The following RCAN2 variants were observed in gnomAD, a reference collection of about 807,000 sequenced individuals.
The protein encoded by RCAN2 is calcipressin-2.
Under a neutral mutation model 23.6 loss-of-function variants are expected in RCAN2, and 9 were observed. That is an observed-to-expected ratio of 0.38 (90% CI 0.23 to 0.67). The LOEUF (loss-of-function observed/expected upper bound fraction) is 0.67. Among genes scored for constraint, RCAN2 ranks in the 30% least tolerant of loss-of-function variants. The probability of loss-of-function intolerance (pLI) is 0.51; values close to 1 mark genes in which losing one functional copy is unlikely to be tolerated. For synonymous variants in RCAN2, 109 were observed against 115.7 expected, an observed-to-expected ratio of 0.94 and a Z score of 0.37; for missense variants, 273 against 302.3, an observed-to-expected ratio of 0.90 and a Z score of 0.72.
chr6:46,244,068 T>C (rs1766422657), intron 4 of RCAN2, among the ~76,000 whole-genome samples: 1 of 152,060 alleles, frequency 6.6e-6, no homozygotes, highest in African/African-American at 2.4e-5. Flanking sequence ...CGTTTCCAAA[T>C]CCATAAAATG....
At chr6:46,340,804 T>C (rs1167669322) in intron 2 of RCAN2, among the ~76,000 whole-genome samples, 3 of 152,336 alleles carry the variant, frequency 2.0e-5, no homozygotes, top group Admixed American at 6.5e-5. Context: ...AAATGCAAAA[T>C]CTAATTTTAT....
intron 2 of RCAN2, among the ~76,000 whole-genome samples, chr6:46,342,375 C>T (rs1764349313): frequency 6.6e-6 from 1 of 151,674 alleles, no homozygotes; most frequent in Non-Finnish European, 1.5e-5. Context: ...GTGGTGGAAA[C>T]ATAAATCACC....
chr6:46,410,870 A>G (rs1208884515), intron 2 of RCAN2, among the ~76,000 whole-genome samples: 1 of 152,210 alleles, frequency 6.6e-6, no homozygotes, highest in Non-Finnish European at 1.5e-5. Context: ...ATCCATGATT[A>G]TGGTTATCCT....
chr6:46,297,142 G>A (rs1233767813), intron 2 of RCAN2, among the ~76,000 whole-genome samples: 1 of 152,056 alleles, frequency 6.6e-6, no homozygotes, highest in Non-Finnish European at 1.5e-5. Flanking sequence ...TCCTGAACTT[G>A]CACAGCTCTG....
At chr6:46,441,699 A>G (rs1257086954) in intron 2 of RCAN2, among the ~76,000 whole-genome samples, 1 of 152,166 alleles carries the variant, frequency 6.6e-6, no homozygotes, top group Non-Finnish European at 1.5e-5. Context: ...TAGTCAGGCT[A>G]TATGATAGAA....
chr6:46,456,206 C>T (rs1214728588), intron 2 of RCAN2, among the ~76,000 whole-genome samples: 1 of 152,152 alleles, frequency 6.6e-6, no homozygotes, highest in Non-Finnish European at 1.5e-5. Context: ...CAAATTCTTA[C>T]AACACACACA....
chr6:46,472,336 A>C (rs182550694), intron 1 of RCAN2, among the ~76,000 whole-genome samples: 2 of 152,338 alleles, frequency 1.3e-5, no homozygotes, highest in Non-Finnish European at 2.9e-5. Context: ...ACACATATAA[A>C]TTCTAAAGAT....
chr6:46,273,389 G>A (rs1296030733), intron 2 of RCAN2, among the ~76,000 whole-genome samples: 1 of 152,138 alleles, frequency 6.6e-6, no homozygotes, highest in Non-Finnish European at 1.5e-5. Context: ...TAGCACTTCA[G>A]GGTTTAAAAG....
chr6:46,325,632 G>T (rs530473327), intron 2 of RCAN2: 504 of 1,431,620 alleles, frequency 3.5e-4, no homozygotes, highest in Non-Finnish European at 4.2e-4. Flanking sequence ...CGCTCCCACT[G>T]CACGCAGCCC....
At chr6:46,298,677 A>G (rs1762800315) in intron 2 of RCAN2, among the ~76,000 whole-genome samples, 3 of 152,230 alleles carry the variant, frequency 2.0e-5, no homozygotes, top group Middle Eastern at 6.8e-3. Flanking sequence ...TAATTAGTTC[A>G]GCCCCTGTGG....
At chr6:46,252,357 T>C (rs1018562057) in intron 2 of RCAN2, among the ~76,000 whole-genome samples, 2 of 152,248 alleles carry the variant, frequency 1.3e-5, no homozygotes, top group African/African-American at 4.8e-5. Flanking sequence ...TTTTCTCCAG[T>C]TGTGTTGCCC....
chr6:46,291,040 T>C (rs1043520263), intron 2 of RCAN2, among the ~76,000 whole-genome samples: 1 of 152,058 alleles, frequency 6.6e-6, no homozygotes, highest in African/African-American at 2.4e-5. Flanking sequence ...CTTCACCTAA[T>C]AGGTAAGCCA....
At chr6:46,324,085 G>A (rs1049549476) in intron 2 of RCAN2, among the ~76,000 whole-genome samples, 1 of 152,144 alleles carries the variant, frequency 6.6e-6, no homozygotes, top group African/African-American at 2.4e-5. Context: ...GGCTTTAAAT[G>A]ACTGCTCTCC....
chr6:46,235,617 T>C (rs1349527071), intron 4 of RCAN2, among the ~76,000 whole-genome samples: 1 of 152,228 alleles, frequency 6.6e-6, no homozygotes, highest in African/African-American at 2.4e-5. Context: ...CTATCACGCT[T>C]CTTAGAATTG....
intron 2 of RCAN2, among the ~76,000 whole-genome samples, chr6:46,446,564 C>G (rs1024505993): frequency 1.3e-5 from 2 of 152,124 alleles, no homozygotes; most frequent in African/African-American, 4.8e-5. Flanking sequence ...GAATACTCTA[C>G]TACTATAATG....
In RCAN2 at chr6:46,237,393, A is replaced by G. The variant is rs1306273050; in HGVS notation, c.571+9355T>C. On this transcript the variant is annotated intron_variant, in intron 4 of 4. Coordinates refer to ENST00000371374, the MANE Select transcript of RCAN2 (RefSeq NM_001251974.2). ...GAAGGAAGTTTTGGACTCTGGAAGA[A>G]GATCCTCTACATTCTCATTTTAAAA... 2.0e-5 allele frequency among the ~76,000 whole-genome samples: 3 copies of G among 152,222 alleles called. No homozygotes were observed. The East Asian group carries it at 5.8e-4, about 29-fold the overall frequency.
At chr6:46,256,791 G>A (rs1407761736) in intron 2 of RCAN2, among the ~76,000 whole-genome samples, 1 of 152,160 alleles carries the variant, frequency 6.6e-6, no homozygotes, top group Non-Finnish European at 1.5e-5. Context: ...GAAAAAGGGG[G>A]AAACAAGTGT....
chr6:46,390,291 C>T (rs1765893430), intron 2 of RCAN2, among the ~76,000 whole-genome samples: 1 of 152,134 alleles, frequency 6.6e-6, no homozygotes, highest in Admixed American at 6.5e-5. Flanking sequence ...CCAAGTTCCC[C>T]CTGACAACTT....
intron 1 of RCAN2, among the ~76,000 whole-genome samples, chr6:46,461,648 C>T (rs545393171): frequency 5.1e-4 from 77 of 151,388 alleles, no homozygotes; most frequent in African/African-American, 1.7e-3. Flanking sequence ...TACAATGGCA[C>T]GATCTTGACT....
Sources: gnomAD v4.1 joint callset for allele counts (sites outside exome capture counted in the v4.1 genomes callset) on GRCh38, gnomAD v4.1.1 for gene constraint, MANE v1.5 for transcripts, NCBI Gene and HGNC (gene_info 2026-07-23, HGNC 2026-07-21) for gene names.